Variants in PDE1A observed in about 807,000 individuals in gnomAD.
PDE1A encodes the protein phosphodiesterase 1A.
A neutral mutation model predicts 61.7 loss-of-function variants in PDE1A; 35 were observed. The ratio of observed to expected loss-of-function variants is 0.57; its 90% CI spans 0.43 to 0.75. The LOEUF is 0.75. Ranked by LOEUF, PDE1A falls within the 30% of genes least tolerant of loss-of-function variation. The probability of loss-of-function intolerance (pLI) is 0.00; values close to 1 mark genes in which losing one functional copy is unlikely to be tolerated. For synonymous variants in PDE1A, 232 were observed against 213.2 expected, an observed-to-expected ratio of 1.09 and a Z score of -0.77; for missense variants, 597 against 630.6, an observed-to-expected ratio of 0.95 and a Z score of 0.57.
At chr2:182,588,673 C>A in the PDE1A span, among the ~76,000 whole-genome samples, 2 of 152,114 alleles carry the variant, frequency 1.3e-5, no homozygotes, top group Non-Finnish European at 2.9e-5. Flanking sequence ...AAGGTTAGAA[C>A]TGAATTCTTT....
chr2:182,548,327 A>G, the PDE1A span, among the ~76,000 whole-genome samples: 1 of 152,164 alleles, frequency 6.6e-6, no homozygotes, highest in Non-Finnish European at 1.5e-5. Context: ...AAAGTACCTG[A>G]GCCAAAACAA....
At chr2:182,593,118 T>C in the PDE1A span, among the ~76,000 whole-genome samples, 4 of 152,166 alleles carry the variant, frequency 2.6e-5, no homozygotes, top group South Asian at 2.1e-4. Flanking sequence ...CCCCTGAGAG[T>C]CTTCCAGGGA....
At chr2:182,690,974 G>A in the PDE1A span, among the ~76,000 whole-genome samples, 1 of 151,764 alleles carries the variant, frequency 6.6e-6, no homozygotes, top group Non-Finnish European at 1.5e-5. Flanking sequence ...ACTTACAAGG[G>A]ATGTGAAGGA....
At chr2:182,648,073 C>A in the PDE1A span, among the ~76,000 whole-genome samples, 23,516 of 151,992 alleles carry the variant, frequency 0.15, 2,404 homozygotes, top group African/African-American at 0.29. Context: ...AGGCCTCAGC[C>A]CGGACCTACT....
At chr2:182,619,080 A>G in the PDE1A span, among the ~76,000 whole-genome samples, 1 of 151,806 alleles carries the variant, frequency 6.6e-6, no homozygotes, top group Admixed American at 6.6e-5. Context: ...GGGTTGGAAG[A>G]TACTATAACA....
chr2:182,141,108 T>G (rs1350093840), exon 15 of PDE1A: 1 of 152,158 alleles, frequency 6.6e-6, no homozygotes, highest in Non-Finnish European at 1.5e-5. Flanking sequence ...CTTAAAGTAC[T>G]AATAGAAACA....
chr2:182,656,084 C>T, the PDE1A span, among the ~76,000 whole-genome samples: 1 of 152,136 alleles, frequency 6.6e-6, no homozygotes, highest in Non-Finnish European at 1.5e-5. Context: ...CATTATTTCC[C>T]CCACATCATT....
intron 1 of PDE1A, among the ~76,000 whole-genome samples, chr2:182,306,833 G>A (rs528459918): frequency 2.0e-5 from 3 of 152,164 alleles, no homozygotes; most frequent in South Asian, 2.1e-4. Context: ...TGTATGACCC[G>A]AAACTGTGAA....
chr2:182,675,304 T>C, the PDE1A span, among the ~76,000 whole-genome samples: 1 of 152,192 alleles, frequency 6.6e-6, no homozygotes, highest in Non-Finnish European at 1.5e-5. Context: ...TTTTTATGGC[T>C]GCATAGTATT....
chr2:182,245,407 G>T (rs192791351), intron 2 of PDE1A, among the ~76,000 whole-genome samples: 2 of 151,972 alleles, frequency 1.3e-5, no homozygotes, highest in Admixed American at 6.6e-5. Context: ...ACATTCTATG[G>T]GTTTTGATAA....
At chr2:182,369,889 C>A (rs1700032561) in intron 1 of PDE1A, among the ~76,000 whole-genome samples, 1 of 152,234 alleles carries the variant, frequency 6.6e-6, no homozygotes, top group African/African-American at 2.4e-5. Context: ...AAAGGAGTTT[C>A]ATTGGCTGGG....
At position 182,360,722 on chromosome 2, in the gene PDE1A, T is replaced by A. The variant is rs201720441; in HGVS notation, c.53+65856A>T. On this transcript the variant is annotated intron_variant, in intron 1 of 13. Coordinates refer to ENST00000351439, the Ensembl canonical transcript of PDE1A. ...CAATCCCACCTGCATTTTTAGAAGT[T>A]TTTTTTTTCCCCCTATGGTGGAAGG... Among the ~76,000 whole-genome samples the A allele has an allele frequency of 1.2e-3, 186 of 150,588 alleles. 2 individuals carry two copies. In the East Asian group the frequency reaches 0.013, roughly 11 times the overall value.
intron 2 of PDE1A, among the ~76,000 whole-genome samples, chr2:182,435,014 C>T (rs1430850678): frequency 1.3e-5 from 2 of 151,992 alleles, no homozygotes; most frequent in African/African-American, 4.8e-5. Context: ...AGAAATTCCT[C>T]TTTGTCACTG....
intron 2 of PDE1A, among the ~76,000 whole-genome samples, chr2:182,242,628 C>T (rs938087019): frequency 6.6e-6 from 1 of 152,138 alleles, no homozygotes; most frequent in Non-Finnish European, 1.5e-5. Context: ...TTGAATAAAG[C>T]AGATTACCCT....
upstream of PDE1A, among the ~76,000 whole-genome samples, chr2:182,430,931 G>A (rs1033938381): frequency 8.1e-6 from 1 of 123,642 alleles, no homozygotes; most frequent in African/African-American, 3.0e-5. Context: ...CACAGGAAGG[G>A]GAATATCACA....
the PDE1A span, among the ~76,000 whole-genome samples, chr2:182,704,101 C>T: frequency 6.6e-6 from 1 of 150,946 alleles, no homozygotes; most frequent in Non-Finnish European, 1.5e-5. Context: ...GTCCCAGCTA[C>T]TCAGGAGGCT....
chr2:182,597,191 A>T, the PDE1A span, among the ~76,000 whole-genome samples: 1 of 151,912 alleles, frequency 6.6e-6, no homozygotes, highest in Non-Finnish European at 1.5e-5. Context: ...AAATCTAAAC[A>T]CATTATCTAA....
chr2:182,672,013 C>T, the PDE1A span, among the ~76,000 whole-genome samples: 1 of 152,260 alleles, frequency 6.6e-6, no homozygotes, highest in African/African-American at 2.4e-5. Context: ...CCCGCTAAAC[C>T]TCTCCTCTAA....
the PDE1A span, among the ~76,000 whole-genome samples, chr2:182,708,450 G>A: frequency 1.2e-3 from 189 of 152,310 alleles, no homozygotes; most frequent in Admixed American, 3.1e-3. Flanking sequence ...GTGGGCTCCA[G>A]ATCTACACTG....
Sources: gnomAD v4.1 joint callset for allele counts (sites outside exome capture counted in the v4.1 genomes callset) on GRCh38, gnomAD v4.1.1 for gene constraint, MANE v1.5 for transcripts, NCBI Gene and HGNC (gene_info 2026-07-23, HGNC 2026-07-21) for gene names.